The following ERI2 variants were observed in gnomAD, a reference collection of about 807,000 sequenced individuals.
The protein encoded by ERI2 is ERI1 exoribonuclease 2.
A neutral mutation model predicts 46.8 loss-of-function variants in ERI2; 35 were observed. That is an observed-to-expected ratio of 0.75 (90% CI 0.57 to 0.99). The LOEUF (loss-of-function observed/expected upper bound fraction) is 0.99, where lower values mean the gene tolerates loss of function less well. ERI2 is among the 50% of genes least tolerant of loss of function. The pLI is 0.00. For synonymous variants in ERI2, 224 were observed against 271.0 expected, an observed-to-expected ratio of 0.83 and a Z score of 1.70; for missense variants, 695 against 796.2, an observed-to-expected ratio of 0.87 and a Z score of 1.53.
chr16:20,786,029 A>G (rs747683146), intron 10 of ERI2: 10 of 1,322,702 alleles, frequency 7.6e-6, no homozygotes, highest in Non-Finnish European at 9.3e-6. Flanking sequence ...AGATGAATAA[A>G]TTTTAAGTGA....
At chr16:20,782,563 A>T (rs1489005586) in intron 10 of ERI2, among the ~76,000 whole-genome samples, 1 of 152,186 alleles carries the variant, frequency 6.6e-6, no homozygotes, top group Non-Finnish European at 1.5e-5. Context: ...ATTCTCCAAC[A>T]TCAGTTGAGT....
In ERI2 at chr16:20,799,952, C is replaced by G. The variant is rs573593073; in HGVS notation, c.643+5G>C. 6.4e-7 allele frequency: 1 copy of G among 1,560,996 alleles called. No individual in the cohort carries two copies. The highest frequency in any genetic ancestry group is 2.3e-5 in the East Asian group (1 of 44,404). Reference sequence around the variant, plus strand: ...TGGCTTACATAATTTTTAATGTATACTAACCAGAATGTTCTCGTCCTGAGA... The same window carrying G: ...TGGCTTACATAATTTTTAATGTATAGTAACCAGAATGTTCTCGTCCTGAGA... On this transcript the variant is annotated splice_donor_5th_base_variant and intron_variant, in intron 7 of 8. Transcript: ENST00000357967.
Position 20,802,930 on chromosome 16 carries a change from G to C in ERI2, c.176-7C>G, listed in dbSNP as rs1261967939. 1 of 1,577,190 alleles carries C rather than the reference G, an allele frequency of 6.3e-7. No homozygotes were observed. The highest frequency in any genetic ancestry group is 1.8e-5 in the Admixed American group (1 of 56,484). On this transcript the variant is annotated splice_polypyrimidine_tract_variant and splice_region_variant and intron_variant, in intron 3 of 8. Coordinates refer to ENST00000357967, the MANE Select transcript of ERI2 (RefSeq NM_001142725.2). ...AACACTGCTGGAAACTCAACTAAAT[G>C]AAAGAATAATCAATTGACAGTTGAA...
Position 20,806,440 on chromosome 16 carries a change from T to C in ERI2, c.-10A>G, listed in dbSNP as rs368032622. 4 of 1,552,744 alleles carry C rather than the reference T, an allele frequency of 2.6e-6. No individual in the cohort carries two copies. The highest frequency in any genetic ancestry group is 2.4e-5 in the East Asian group (1 of 41,140). On this transcript the variant is annotated 5_prime_UTR_variant, in exon 1 of 9. Coordinates refer to ENST00000357967, the MANE Select transcript of ERI2 (RefSeq NM_001142725.2). The stretch of plus-strand genomic sequence containing the variant: ...GCCGCTTGGTCGCCATTCCCGACAC[T>C]CCTTGCTTTTCCAAGTCCAGCTGCC...
intron 10 of ERI2, chr16:20,780,799 C>CT (rs2080335304): frequency 2.4e-5 from 39 of 1,614,072 alleles, no homozygotes; most frequent in Non-Finnish European, 3.2e-5. Context: ...AAGTGGATAT[C>CT]CGAAAATGAC....
chr16:20,792,204 C>A (rs1370500240), downstream of ERI2: 1 of 1,613,948 alleles, frequency 6.2e-7, no homozygotes, highest in Non-Finnish European at 8.5e-7. Flanking sequence ...CTGCCACTCA[C>A]CTGTATGTAT....
chr16:20,800,319 G>T lies in ERI2; in HGVS notation c.544C>A (p.Leu182Ile). The T allele has an allele frequency of 6.2e-7, 1 of 1,607,460 alleles. No homozygotes were observed. The highest frequency in any genetic ancestry group is 8.5e-7 in the Non-Finnish European group (1 of 1,176,076). Residue 182 changes from leucine to isoleucine, a missense_variant, in exon 6 of 9, where the codon CTC becomes ATC. Physicochemically the swap from Leu to Ile is conservative, Grantham distance 5. Coordinates refer to ENST00000357967, the MANE Select transcript of ERI2 (RefSeq NM_001142725.2). ...ACCATTACCTTGTAAGTTGCTCTGA[G>T]ATCAATCCAAGAATTTAAAAACACA... The part of the protein sequence containing the change: ...KPVFLNSWID[L>I]RATYKLFYRR...
At chr16:20,789,684 C>CTT (rs561663756) in intron 9 of ERI2, 2,925 of 442,614 alleles carry the variant, frequency 6.6e-3, no homozygotes, top group Middle Eastern at 8.7e-3. Context: ...CTCTATTTTT[C>CTT]TTTTTTTTTT....
intron 10 of ERI2, among the ~76,000 whole-genome samples, chr16:20,785,589 T>C (rs1268590725): frequency 2.0e-5 from 3 of 151,540 alleles, no homozygotes; most frequent in Admixed American, 6.6e-5. Flanking sequence ...GAACAAAAAA[T>C]GAAATAAGAA....
At chr16:20,791,956 G>A (rs2080608637), downstream of ERI2, 9 of 1,586,052 alleles carry the variant, frequency 5.7e-6, no homozygotes, top group Admixed American at 7.4e-5. Context: ...CAATTGACCA[G>A]AAGAGTTGGA....
intron 10 of ERI2, chr16:20,783,709 C>T (rs2080404531): frequency 6.6e-6 from 1 of 152,174 alleles, no homozygotes; most frequent in South Asian, 2.1e-4. Context: ...ACCTTGTCCC[C>T]AGTGACCCAG....
intron 10 of ERI2, among the ~76,000 whole-genome samples, chr16:20,787,612 G>A (rs2080502376): frequency 6.6e-6 from 1 of 152,210 alleles, no homozygotes; most frequent in Non-Finnish European, 1.5e-5. Context: ...AAATAAGTTT[G>A]AGAGAGTTTA....
Position 20,789,662 on chromosome 16 carries a change from A to T in ERI2, c.816-105T>A. Reference sequence around the variant, plus strand: ...TAAAAGCAGGTTGGCAAAACTGTATATTATAAAGCAACTCTATTTTTCTTT... The same window carrying T: ...TAAAAGCAGGTTGGCAAAACTGTATTTTATAAAGCAACTCTATTTTTCTTT... On this transcript the variant is annotated intron_variant, in intron 9 of 10. Coordinates refer to the ERI2 transcript ENST00000300005. The T allele has an allele frequency of 5.8e-6, 4 of 683,994 alleles. No homozygotes were observed. The Admixed American group carries it at 7.8e-5, about 13-fold the overall frequency. 42.4% of individuals were successfully genotyped at this position (683,994 alleles called of 1,614,324 possible).
chr16:20,780,818 C>A (rs1395533116), intron 10 of ERI2: 1 of 1,614,206 alleles, frequency 6.2e-7, no homozygotes, highest in South Asian at 1.1e-5. Context: ...ACTGCACACA[C>A]CCACAGCAGT....
At position 20,803,389 on chromosome 16, in the gene ERI2, G is replaced by A. The variant is rs764951293; in HGVS notation, c.175+44C>T. ...GATTCAGATCTATAAACTTTAAAGTGACTCATCTAGTGCCAGCTTTGGCCA... is the reference window on the plus strand; with the variant it reads ...GATTCAGATCTATAAACTTTAAAGTAACTCATCTAGTGCCAGCTTTGGCCA... On this transcript the variant is annotated intron_variant, in intron 3 of 8. Transcript: ENST00000357967. The A allele has an allele frequency of 3.2e-6, 5 of 1,584,870 alleles. No homozygotes were observed. The South Asian group carries it at 3.5e-5, about 11-fold the overall frequency.
rs1271898495 is a variant in ERI2 at position 20,796,814 on chromosome 16, A to G, written c.*910T>C. On this transcript the variant is annotated 3_prime_UTR_variant, in exon 9 of 9. Transcript: ENST00000357967. ...TTCTTCCACCTAGAATTCATAATCA[A>G]ACTGCTATATAATTGGCTTTATGTA... The G allele has an allele frequency of 6.3e-7, 1 of 1,588,404 alleles. No individual in the cohort carries two copies. Among genetic ancestry groups the G allele is most frequent in the Non-Finnish European group, 8.5e-7 (1 of 1,172,578 alleles).
chr16:20,787,011 C>T (rs2080488694), intron 10 of ERI2, among the ~76,000 whole-genome samples: 1 of 152,222 alleles, frequency 6.6e-6, no homozygotes, highest in South Asian at 2.1e-4. Context: ...TCCAGCCTCT[C>T]TGTATCCACT....
intron 1 of ERI2, chr16:20,806,191 G>C (rs1174735969): frequency 2.2e-6 from 3 of 1,394,638 alleles, no homozygotes; most frequent in South Asian, 3.2e-5. Context: ...TCCGCCTCGG[G>C]CTCCTGTCAC....
chr16:20,790,795 TGA>T lies in ERI2; in HGVS notation c.815+53_815+54del. 1 of 1,613,382 alleles carries T rather than the reference TGA, an allele frequency of 6.2e-7. No individual in the cohort carries two copies. The highest frequency in any genetic ancestry group is 8.5e-7 in the Non-Finnish European group (1 of 1,179,576). ...CTAGGATAGGTACTTGACCCTTTCT[TGA>T]GAGATTGGTTGTCCTGAATAGTAAT... On this transcript the variant is annotated intron_variant, in intron 9 of 10. Transcript: ENST00000300005. The surrounding 1 kb of genome is among the most constrained non-coding windows in gnomAD (Gnocchi z 4.0).
Sources: allele counts gnomAD v4.1 joint callset (sites outside exome capture counted in the v4.1 genomes callset), GRCh38; gene constraint gnomAD v4.1.1; non-coding constraint Gnocchi (gnomAD v3.1); transcripts MANE v1.5; gene names NCBI Gene and HGNC (gene_info 2026-07-23, HGNC 2026-07-21).